The following TASP1 variants were observed in gnomAD, a reference collection of about 807,000 sequenced individuals.
TASP1 encodes the protein taspase 1, also known as threonine aspartase 1.
A neutral mutation model predicts 56.6 loss-of-function variants in TASP1; 16 were observed. That is an observed-to-expected ratio of 0.28 (90% confidence interval 0.19 to 0.43). TASP1 has a LOEUF of 0.43. TASP1 is among the 20% of genes least tolerant of loss of function. The pLI, the probability that TASP1 is intolerant of heterozygous loss-of-function variation, is 1.00. For missense variants in TASP1, 393 were observed against 511.6 expected (o/e 0.77, Z 2.24); for synonymous variants, 179 against 184.2 (o/e 0.97, Z 0.23).
the TASP1 span, among the ~76,000 whole-genome samples, chr20:13,151,892 A>T: frequency 6.6e-6 from 1 of 152,132 alleles, no homozygotes; most frequent in Non-Finnish European, 1.5e-5. Context: ...ACTCCAACCT[A>T]GCGATATCCT....
the TASP1 span, among the ~76,000 whole-genome samples, chr20:13,187,405 C>A: frequency 1.1e-4 from 16 of 151,304 alleles, no homozygotes; most frequent in Non-Finnish European, 2.2e-4. Flanking sequence ...ATACAAACAA[C>A]AACAACAATT....
At chr20:13,164,171 G>A in the TASP1 span, among the ~76,000 whole-genome samples, 1 of 152,096 alleles carries the variant, frequency 6.6e-6, no homozygotes, top group East Asian at 1.9e-4. Context: ...TGCAAAATGG[G>A]GGATACATGT....
chr20:13,424,579 C>T (rs568236111), intron 12 of TASP1, among the ~76,000 whole-genome samples: 1 of 151,876 alleles, frequency 6.6e-6, no homozygotes, highest in East Asian at 1.9e-4. Context: ...TGAAGTGACA[C>T]ATCTGAGCCT....
chr20:13,133,334 G>A, the TASP1 span, among the ~76,000 whole-genome samples: 2 of 152,016 alleles, frequency 1.3e-5, no homozygotes, highest in East Asian at 3.9e-4. Flanking sequence ...TGCTAGTCCA[G>A]GGACCAGCCT....
the TASP1 span, among the ~76,000 whole-genome samples, chr20:13,320,669 A>G: frequency 6.6e-6 from 1 of 152,164 alleles, no homozygotes; most frequent in Non-Finnish European, 1.5e-5. Flanking sequence ...GTCCCAGGTA[A>G]GTACAAGTTC....
At chr20:13,419,355 T>C (rs74376522) in intron 12 of TASP1, among the ~76,000 whole-genome samples, 9,648 of 152,168 alleles carry the variant, frequency 0.063, 453 homozygotes, top group African/African-American at 0.13. Context: ...AAAACACTGG[T>C]TGAATCTGGG....
intron 9 of TASP1, among the ~76,000 whole-genome samples, chr20:13,529,527 CT>C (rs1464447950): frequency 6.6e-6 from 1 of 152,142 alleles, no homozygotes; most frequent in African/African-American, 2.4e-5. Context: ...AATGGCTAAA[CT>C]TTGGCATGGC....
chr20:13,552,103 T>C (rs529931079), intron 8 of TASP1, among the ~76,000 whole-genome samples: 2 of 152,324 alleles, frequency 1.3e-5, no homozygotes, highest in Admixed American at 1.3e-4. Context: ...TAAATTTCAA[T>C]TACCAGAGTT....
At chr20:13,154,082 T>C in the TASP1 span, 1 of 1,614,050 alleles carries the variant, frequency 6.2e-7, no homozygotes, top group Non-Finnish European at 8.5e-7. Context: ...TCATTATCTA[T>C]GGCAATGAGA....
At chr20:13,456,458 T>A (rs999306444) in intron 11 of TASP1, among the ~76,000 whole-genome samples, 1 of 152,050 alleles carries the variant, frequency 6.6e-6, no homozygotes, top group Non-Finnish European at 1.5e-5. Context: ...TTGTTTGCTA[T>A]CCTAAAGAAA....
At chr20:13,400,023 C>T (rs1207691226) in intron 13 of TASP1, among the ~76,000 whole-genome samples, 1 of 152,152 alleles carries the variant, frequency 6.6e-6, no homozygotes, top group South Asian at 2.1e-4. Context: ...TGAAACCTAC[C>T]TAACGCTGGA....
intron 11 of TASP1, among the ~76,000 whole-genome samples, chr20:13,481,336 G>A (rs1392481449): frequency 6.6e-6 from 1 of 152,054 alleles, no homozygotes; most frequent in African/African-American, 2.4e-5. Context: ...TGGACACTTA[G>A]GTTGCTTCCA....
chr20:13,331,059 T>C, the TASP1 span, among the ~76,000 whole-genome samples: 82 of 152,306 alleles, frequency 5.4e-4, no homozygotes, highest in African/African-American at 1.9e-3. Flanking sequence ...CAGTTTGTTT[T>C]GCTCTTTTTT....
At chr20:13,445,410 G>T (rs771867008) in intron 11 of TASP1, among the ~76,000 whole-genome samples, 3 of 152,162 alleles carry the variant, frequency 2.0e-5, no homozygotes, top group Admixed American at 6.6e-5. Context: ...TCATAAAGCA[G>T]TCTAAGAAGA....
At chr20:13,194,814 T>C in the TASP1 span, among the ~76,000 whole-genome samples, 116 of 152,322 alleles carry the variant, frequency 7.6e-4, 3 homozygotes, top group East Asian at 0.022. Flanking sequence ...ATCGATCACA[T>C]GCTTACCCTG....
At chr20:13,350,536 C>T in the TASP1 span, among the ~76,000 whole-genome samples, 15 of 152,212 alleles carry the variant, frequency 9.9e-5, no homozygotes, top group South Asian at 4.1e-4. Flanking sequence ...TTAAAACTTA[C>T]GCTCTATGAA....
the TASP1 span, among the ~76,000 whole-genome samples, chr20:13,256,573 A>G: frequency 8.5e-5 from 13 of 152,274 alleles, no homozygotes; most frequent in African/African-American, 3.1e-4. Flanking sequence ...TGGCTTTAAA[A>G]TCAAATGACT....
the TASP1 span, among the ~76,000 whole-genome samples, chr20:13,176,350 G>T: frequency 1.3e-5 from 2 of 152,154 alleles, no homozygotes; most frequent in African/African-American, 4.8e-5. Context: ...ATGTTAGCTG[G>T]ATTTGTCATA....
At chr20:13,568,588 A>G (rs893895442) in intron 7 of TASP1, among the ~76,000 whole-genome samples, 6 of 152,166 alleles carry the variant, frequency 3.9e-5, no homozygotes, top group Non-Finnish European at 5.9e-5. Context: ...TAGTTACTTC[A>G]TAACATTTCA....
Sources: gnomAD v4.1 joint callset for allele counts (sites outside exome capture counted in the v4.1 genomes callset) on GRCh38, gnomAD v4.1.1 for gene constraint, MANE v1.5 for transcripts, NCBI Gene and HGNC (gene_info 2026-07-23, HGNC 2026-07-21) for gene names.